Variants in KCTD8 observed in about 807,000 individuals in gnomAD.
The protein encoded by KCTD8 is potassium channel tetramerization domain containing 8, also known as BTB/POZ domain-containing protein KCTD8.
A neutral mutation model predicts 31.5 loss-of-function variants in KCTD8; 27 were observed. The ratio of observed to expected loss-of-function variants is 0.86; its 90% CI spans 0.63 to 1.18. The LOEUF is 1.18. Ranked by LOEUF, KCTD8 falls within the 50% of genes most tolerant of loss-of-function variation. KCTD8 has a pLI of 0.00. For missense variants in KCTD8, 658 were observed against 647.7 expected, an observed-to-expected ratio of 1.02 and a Z score of -0.17; for synonymous variants, 290 against 280.0, an observed-to-expected ratio of 1.04 and a Z score of -0.36.
rs986929678 is a variant in KCTD8 at position 44,369,431 on chromosome 4, A to G, written c.961+78132T>C. The stretch of plus-strand genomic sequence containing the variant: ...AGCAGGATTCACACATTTTATATGA[A>G]GGAATTTGCAAATTACAGAGCACTT... On this transcript the variant is annotated intron_variant, in intron 1 of 1. Coordinates refer to ENST00000360029, the MANE Select transcript of KCTD8 (RefSeq NM_198353.3). Among the ~76,000 whole-genome samples the G allele has an allele frequency of 2.0e-5, 3 of 152,226 alleles. No individual in the cohort carries two copies. In the East Asian group the frequency reaches 5.8e-4, roughly 29 times the overall value.
intron 1 of KCTD8, among the ~76,000 whole-genome samples, chr4:44,266,315 A>C (rs1253462076): frequency 2.0e-5 from 3 of 151,854 alleles, no homozygotes; most frequent in African/African-American, 7.2e-5. Context: ...TGAAGGAGAA[A>C]TAAAATACTT....
At chr4:44,211,053 T>C (rs1289021347) in intron 1 of KCTD8, among the ~76,000 whole-genome samples, 1 of 152,212 alleles carries the variant, frequency 6.6e-6, no homozygotes, top group Non-Finnish European at 1.5e-5. Context: ...CTTTCACCAG[T>C]TCTGTTTATC....
chr4:44,447,928 C>T lies in KCTD8; in HGVS notation c.596G>A (p.Gly199Asp). 1 of 1,423,396 alleles carries T rather than the reference C, an allele frequency of 7.0e-7. No individual in the cohort carries two copies. The highest frequency in any genetic ancestry group is 9.2e-7 in the Non-Finnish European group (1 of 1,088,064). 88.2% of individuals were successfully genotyped at this position (1,423,396 alleles called of 1,614,324 possible). A position where few individuals can be genotyped will look rare whatever the true frequency, so the allele number is the denominator to read the frequency against. ...GCCCGAGCGCTTGTCCTGCGCGCCG[C>T]CGCCGCCGCCACCACCGTGCGCTCC... The part of the protein sequence containing the change: ...GPGAHGGGGG[G>D]GAQDKRSGFL... The change falls in exon 1 of 2, where the codon GGC becomes GAC. Residue 199 changes from glycine (G) to aspartate (D), a missense_variant. Physicochemically the swap from Gly to Asp is moderately conservative, Grantham distance 94 (BLOSUM62 -1). Coordinates refer to ENST00000360029, the MANE Select transcript of KCTD8 (RefSeq NM_198353.3).
chr4:44,264,057 T>G (rs903175602), intron 1 of KCTD8, among the ~76,000 whole-genome samples: 11 of 152,242 alleles, frequency 7.2e-5, no homozygotes, highest in African/African-American at 2.2e-4. Context: ...TCTGTAAGAT[T>G]CACATAATAT....
At chr4:44,250,408 T>C (rs796908349) in intron 1 of KCTD8, among the ~76,000 whole-genome samples, 6 of 151,928 alleles carry the variant, frequency 3.9e-5, no homozygotes, top group African/African-American at 1.4e-4. Context: ...AGCATGGTTC[T>C]AAACAGCTAA....
At chr4:44,225,385 T>C (rs1487830211) in intron 1 of KCTD8, among the ~76,000 whole-genome samples, 3 of 152,182 alleles carry the variant, frequency 2.0e-5, no homozygotes, top group African/African-American at 7.2e-5. Flanking sequence ...TTTTATAAGG[T>C]TTTATTGGAA....
chr4:44,446,729 G>C (rs1721947523), intron 1 of KCTD8, among the ~76,000 whole-genome samples: 1 of 152,026 alleles, frequency 6.6e-6, no homozygotes, highest in Non-Finnish European at 1.5e-5. Context: ...CCCCGCTTTC[G>C]CGCTGGAGAA....
At chr4:44,267,829 C>G (rs567975863) in intron 1 of KCTD8, among the ~76,000 whole-genome samples, 2 of 152,262 alleles carry the variant, frequency 1.3e-5, no homozygotes, top group Admixed American at 1.3e-4. Context: ...TACATTCTCC[C>G]AAGACTAAAC....
chr4:44,189,689 C>G (rs1183235391), intron 1 of KCTD8, among the ~76,000 whole-genome samples: 2 of 151,990 alleles, frequency 1.3e-5, no homozygotes, highest in Admixed American at 1.3e-4. Flanking sequence ...CTCTCTATAG[C>G]CGACTCTACA....
intron 1 of KCTD8, among the ~76,000 whole-genome samples, chr4:44,265,413 C>T (rs1050162529): frequency 4.7e-4 from 71 of 152,008 alleles, no homozygotes; most frequent in Non-Finnish European, 9.0e-4. Flanking sequence ...CATCAAAGAC[C>T]AAAAGTAGAT....
intron 1 of KCTD8, among the ~76,000 whole-genome samples, chr4:44,418,153 AG>A: frequency 6.6e-6 from 1 of 152,276 alleles, no homozygotes; most frequent in African/African-American, 2.4e-5. Context: ...AAATTGGGAG[AG>A]GCTTCACAGA....
At chr4:44,438,297 A>G (rs1721726848) in intron 1 of KCTD8, among the ~76,000 whole-genome samples, 1 of 152,188 alleles carries the variant, frequency 6.6e-6, no homozygotes, top group South Asian at 2.1e-4. Context: ...ATTTGAATCC[A>G]AAATCTAGCC....
chr4:44,384,142 CAA>C (rs66754022), intron 1 of KCTD8, among the ~76,000 whole-genome samples: 2 of 148,916 alleles, frequency 1.3e-5, no homozygotes, highest in African/African-American at 5.0e-5. Context: ...TGCCTATTAT[CAA>C]AAAAAAACAA....
intron 1 of KCTD8, among the ~76,000 whole-genome samples, chr4:44,277,377 A>G (rs1422462507): frequency 6.6e-6 from 1 of 151,870 alleles, no homozygotes; most frequent in Non-Finnish European, 1.5e-5. Flanking sequence ...TCGCTTATCT[A>G]GGCCATAAGA....
chr4:44,235,786 G>A (rs1440983737), intron 1 of KCTD8, among the ~76,000 whole-genome samples: 1 of 151,686 alleles, frequency 6.6e-6, no homozygotes, highest in African/African-American at 2.4e-5. Context: ...AGAGTGATGA[G>A]TCAATCTTCC....
chr4:44,344,882 T>C (rs139435150), intron 1 of KCTD8, among the ~76,000 whole-genome samples: 34 of 152,342 alleles, frequency 2.2e-4, no homozygotes, highest in African/African-American at 7.5e-4. Context: ...ATTAGGAACA[T>C]ACATTCCTCT....
At chr4:44,394,140 C>A (rs1031574346) in intron 1 of KCTD8, among the ~76,000 whole-genome samples, 2 of 151,912 alleles carry the variant, frequency 1.3e-5, no homozygotes, top group Non-Finnish European at 2.9e-5. Flanking sequence ...AACCTAATTA[C>A]GAGTAGTAAA....
chr4:44,331,326 G>C (rs915234003), intron 1 of KCTD8, among the ~76,000 whole-genome samples: 1 of 151,776 alleles, frequency 6.6e-6, no homozygotes, highest in East Asian at 1.9e-4. Flanking sequence ...CATACCCAGT[G>C]TTGAGAGCAT....
At chr4:44,356,844 C>T (rs1308162211) in intron 1 of KCTD8, among the ~76,000 whole-genome samples, 2 of 152,160 alleles carry the variant, frequency 1.3e-5, no homozygotes, top group Non-Finnish European at 2.9e-5. Flanking sequence ...CTGTCTCAGA[C>T]ACCTGCTGTC....
Sources: gnomAD v4.1 joint callset for allele counts (sites outside exome capture counted in the v4.1 genomes callset) on GRCh38, gnomAD v4.1.1 for gene constraint, MANE v1.5 for transcripts, NCBI Gene and HGNC (gene_info 2026-07-23, HGNC 2026-07-21) for gene names.